SGCZ: variants seen among roughly 807,000 people sequenced by gnomAD.
SGCZ encodes the protein sarcoglycan zeta.
SGCZ carries 40 observed loss-of-function variants against 41.3 expected under a neutral mutation model. The ratio of observed to expected loss-of-function variants is 0.97; its 90% CI spans 0.75 to 1.26. SGCZ has a LOEUF of 1.26. SGCZ is among the 50% of genes most tolerant of loss of function. SGCZ has a pLI of 0.00. For missense variants in SGCZ, 552 were observed against 369.8 expected (o/e 1.49, Z -4.04); for synonymous variants, 206 against 137.5 (o/e 1.50, Z -3.49).
chr8:14,602,544 A>T (rs1171814431), intron 1 of SGCZ, among the ~76,000 whole-genome samples: 2 of 152,174 alleles, frequency 1.3e-5, no homozygotes, highest in African/African-American at 4.8e-5. Flanking sequence ...TTAATTAATT[A>T]AATTAATTTT....
chr8:14,275,557 T>C (rs748950083), intron 3 of SGCZ, among the ~76,000 whole-genome samples: 7 of 152,112 alleles, frequency 4.6e-5, no homozygotes, highest in Non-Finnish European at 7.4e-5. Flanking sequence ...ATGTCAGATG[T>C]GTCAGGGTTT....
At chr8:14,438,264 T>C (rs1232395235) in intron 2 of SGCZ, among the ~76,000 whole-genome samples, 1 of 152,002 alleles carries the variant, frequency 6.6e-6, no homozygotes, top group Non-Finnish European at 1.5e-5. Flanking sequence ...TGGAATTCTC[T>C]TATTTTATAT....
chr8:14,131,246 T>A (rs6994093), intron 5 of SGCZ, among the ~76,000 whole-genome samples: 109,712 of 151,976 alleles, frequency 0.72, 40,307 homozygotes, highest in East Asian at 0.93. Context: ...GGGTGGCACC[T>A]TAAAGGGAGG....
chr8:14,316,275 T>C (rs113442438), intron 3 of SGCZ, among the ~76,000 whole-genome samples: 1,776 of 152,098 alleles, frequency 0.012, 18 homozygotes, highest in South Asian at 0.027. Context: ...CAATAATTCA[T>C]AGTAAAATAT....
chr8:14,202,605 A>G (rs576737119), intron 4 of SGCZ, among the ~76,000 whole-genome samples: 21 of 152,312 alleles, frequency 1.4e-4, no homozygotes, highest in African/African-American at 4.6e-4. Flanking sequence ...GGTTGGTATG[A>G]GAATAAATGC....
intron 1 of SGCZ, among the ~76,000 whole-genome samples, chr8:14,948,877 T>TTCTC (rs3069796): frequency 7.6e-6 from 1 of 130,766 alleles, no homozygotes; most frequent in Admixed American, 7.9e-5. Context: ...TACAGCTTTT[T>TTCTC]TCTCTCTCTC....
In SGCZ at chr8:14,574,471, G is replaced by T. The variant is rs1585092524; in HGVS notation, c.40-19545C>A. Among the ~76,000 whole-genome samples, 3 of 152,262 alleles carry T rather than the reference G, an allele frequency of 2.0e-5. No individual in the cohort carries two copies. The East Asian group carries it at 5.8e-4, about 29-fold the overall frequency. On this transcript the variant is annotated intron_variant, in intron 1 of 7. Coordinates refer to ENST00000382080, the MANE Select transcript of SGCZ (RefSeq NM_139167.4). ...TAAATAAAGACCCTCATTCCAGAGG[G>T]ATCCTGCCATGTACCAGGGAAGAAG...
At chr8:14,445,683 T>C (rs1022617741) in intron 2 of SGCZ, among the ~76,000 whole-genome samples, 10 of 152,180 alleles carry the variant, frequency 6.6e-5, no homozygotes, top group African/African-American at 2.2e-4. Context: ...TGACTGTGGG[T>C]ACCCAAAAAT....
intron 1 of SGCZ, among the ~76,000 whole-genome samples, chr8:15,108,325 G>A (rs1331516747): frequency 6.6e-6 from 1 of 152,118 alleles, no homozygotes; most frequent in Non-Finnish European, 1.5e-5. Flanking sequence ...CAAACGCAGA[G>A]GTAGGTCTGA....
chr8:14,692,814 T>G (rs2197107), intron 1 of SGCZ, among the ~76,000 whole-genome samples: 151,860 of 152,290 alleles, frequency 1, 75,717 homozygotes, highest in Middle Eastern at 1. Flanking sequence ...TCTCCTAAAA[T>G]AAAAACTATT....
chr8:14,836,978 C>G (rs1300240313), intron 1 of SGCZ, among the ~76,000 whole-genome samples: 1 of 152,076 alleles, frequency 6.6e-6, no homozygotes, highest in Non-Finnish European at 1.5e-5. Flanking sequence ...CTATATAAAC[C>G]TTTTCATATA....
chr8:14,670,140 C>A (rs973380283), intron 1 of SGCZ, among the ~76,000 whole-genome samples: 1 of 152,068 alleles, frequency 6.6e-6, no homozygotes, highest in Non-Finnish European at 1.5e-5. Context: ...CAGTGTGTTC[C>A]TGTATCTTTA....
At chr8:15,060,370 G>T (rs1804877103) in intron 1 of SGCZ, among the ~76,000 whole-genome samples, 1 of 151,804 alleles carries the variant, frequency 6.6e-6, no homozygotes, top group South Asian at 2.1e-4. Context: ...TCCTTTGTAG[G>T]GACATGGATG....
At chr8:14,753,625 A>G (rs949787183) in intron 1 of SGCZ, among the ~76,000 whole-genome samples, 2 of 152,216 alleles carry the variant, frequency 1.3e-5, no homozygotes, top group African/African-American at 4.8e-5. Flanking sequence ...CTGGACCACA[A>G]AAATTACAGA....
At chr8:14,945,166 G>C (rs563228127) in intron 1 of SGCZ, among the ~76,000 whole-genome samples, 1 of 114,318 alleles carries the variant, frequency 8.7e-6, no homozygotes, top group Non-Finnish European at 1.7e-5. Flanking sequence ...GTGGGTGGGT[G>C]GGGGGGGTGG....
chr8:15,149,853 GGATATTCTGTT>G (rs1347120690), intron 1 of SGCZ, among the ~76,000 whole-genome samples: 1 of 152,050 alleles, frequency 6.6e-6, no homozygotes, highest in Non-Finnish European at 1.5e-5. Context: ...TACAGTATGA[GGATATTCTGTT>G]GATAATAGAG....
At chr8:14,820,343 G>A (rs570302824) in intron 1 of SGCZ, among the ~76,000 whole-genome samples, 2 of 152,050 alleles carry the variant, frequency 1.3e-5, no homozygotes, top group South Asian at 4.1e-4. Context: ...ACCCAACACT[G>A]GAGCACCCAG....
chr8:14,870,040 G>T (rs1354062970), intron 1 of SGCZ, among the ~76,000 whole-genome samples: 1 of 152,030 alleles, frequency 6.6e-6, no homozygotes, highest in African/African-American at 2.4e-5. Flanking sequence ...TCCCCATCAA[G>T]CTACCATTGA....
At chr8:14,156,675 A>T (rs1803885574) in intron 5 of SGCZ, among the ~76,000 whole-genome samples, 1 of 152,100 alleles carries the variant, frequency 6.6e-6, no homozygotes, top group Non-Finnish European at 1.5e-5. Flanking sequence ...TTCTTTCTTT[A>T]TACTCTTATT....
Sources: allele counts gnomAD v4.1 joint callset (sites outside exome capture counted in the v4.1 genomes callset), GRCh38; gene constraint gnomAD v4.1.1; transcripts MANE v1.5; gene names NCBI Gene and HGNC (gene_info 2026-07-23, HGNC 2026-07-21).